Variants in ATXN1 observed in about 807,000 individuals in gnomAD.
The protein encoded by ATXN1 is ataxin 1.
A neutral mutation model predicts 56.4 loss-of-function variants in ATXN1; 8 were observed. The ratio of observed to expected loss-of-function variants is 0.14; its 90% CI spans 0.08 to 0.26. The LOEUF (loss-of-function observed/expected upper bound fraction) is 0.26, where lower values mean the gene tolerates loss of function less well. Ranked by LOEUF, ATXN1 falls within the 10% of genes least tolerant of loss-of-function variation. The probability of loss-of-function intolerance (pLI) is 1.00; values close to 1 mark genes in which losing one functional copy is unlikely to be tolerated. For synonymous variants in ATXN1, 514 were observed against 494.6 expected (o/e 1.04, Z -0.52); for missense variants, 987 against 1,106.5 (o/e 0.89, Z 1.53).
intron 6 of ATXN1, among the ~76,000 whole-genome samples, chr6:16,330,165 C>T (rs578111754): frequency 6.6e-6 from 1 of 152,136 alleles, no homozygotes; most frequent in Non-Finnish European, 1.5e-5. Context: ...ATCCTCCTTC[C>T]TTGGCCTCCC....
At chr6:16,399,073 A>G (rs545085895) in intron 6 of ATXN1, among the ~76,000 whole-genome samples, 6 of 152,362 alleles carry the variant, frequency 3.9e-5, no homozygotes, top group Admixed American at 1.3e-4. Context: ...ATTAAGCAGA[A>G]CTAACCATCA....
intron 5 of ATXN1, among the ~76,000 whole-genome samples, chr6:16,509,158 A>C (rs751160608): frequency 6.6e-6 from 1 of 152,160 alleles, no homozygotes; most frequent in Non-Finnish European, 1.5e-5. Flanking sequence ...TGCAAGACAC[A>C]AACAGCTGAG....
At chr6:16,613,679 A>G (rs1763155047) in intron 3 of ATXN1, among the ~76,000 whole-genome samples, 1 of 151,904 alleles carries the variant, frequency 6.6e-6, no homozygotes, top group Admixed American at 6.6e-5. Context: ...AAAAAAGAAA[A>G]AGAGCCAGGC....
chr6:16,586,346 A>C (rs761934940), intron 3 of ATXN1, among the ~76,000 whole-genome samples: 91 of 152,252 alleles, frequency 6.0e-4, no homozygotes, highest in Non-Finnish European at 1.2e-3. Context: ...CCACAAAATT[A>C]TGCAAATTCA....
intron 6 of ATXN1, among the ~76,000 whole-genome samples, chr6:16,452,628 G>A (rs142525842): frequency 1.3e-5 from 2 of 152,184 alleles, no homozygotes; most frequent in African/African-American, 2.4e-5. Flanking sequence ...ACTCTCACTG[G>A]TGTGAGATTT....
intron 2 of ATXN1, among the ~76,000 whole-genome samples, chr6:16,719,019 G>A (rs532838743): frequency 6.4e-4 from 98 of 152,182 alleles, no homozygotes; most frequent in African/African-American, 1.8e-3. Flanking sequence ...TTTATTTCCC[G>A]GGGACTCTGT....
At chr6:16,343,507 G>T (rs1761305033) in intron 6 of ATXN1, among the ~76,000 whole-genome samples, 1 of 152,068 alleles carries the variant, frequency 6.6e-6, no homozygotes, top group South Asian at 2.1e-4. Context: ...GGACGTCAGG[G>T]CATCCTTTAA....
chr6:16,632,896 C>G (rs1763531443), intron 3 of ATXN1, among the ~76,000 whole-genome samples: 1 of 151,400 alleles, frequency 6.6e-6, no homozygotes. Context: ...ACTTGGGAGG[C>G]TGAGACAGGA....
intron 6 of ATXN1, among the ~76,000 whole-genome samples, chr6:16,336,012 A>G (rs994920528): frequency 2.0e-5 from 3 of 152,238 alleles, no homozygotes; most frequent in African/African-American, 7.2e-5. Context: ...ATGTTTTGGT[A>G]ATTTATTATG....
chr6:16,348,589 G>A (rs991994258), intron 6 of ATXN1, among the ~76,000 whole-genome samples: 2 of 152,058 alleles, frequency 1.3e-5, no homozygotes, highest in African/African-American at 2.4e-5. Flanking sequence ...GTAATTCCAG[G>A]GAGGCTGAGG....
At chr6:16,509,739 G>T (rs143476055) in intron 5 of ATXN1, among the ~76,000 whole-genome samples, 2 of 152,012 alleles carry the variant, frequency 1.3e-5, no homozygotes, top group Non-Finnish European at 2.9e-5. Context: ...CTTCTTTCTC[G>T]TTTCAAAATC....
intron 2 of ATXN1, among the ~76,000 whole-genome samples, chr6:16,729,897 G>A (rs150236839): frequency 3.3e-5 from 5 of 152,290 alleles, no homozygotes; most frequent in African/African-American, 9.6e-5. Context: ...CACACAGTAG[G>A]TGCTCAATAA....
intron 3 of ATXN1, among the ~76,000 whole-genome samples, chr6:16,655,171 C>A (rs1284218118): frequency 6.6e-6 from 1 of 152,138 alleles, no homozygotes; most frequent in African/African-American, 2.4e-5. Context: ...AAAGTCAGAT[C>A]CCCTAAAGAA....
At chr6:16,677,208 T>G (rs911855926) in intron 2 of ATXN1, among the ~76,000 whole-genome samples, 2 of 152,096 alleles carry the variant, frequency 1.3e-5, no homozygotes, top group Non-Finnish European at 2.9e-5. Flanking sequence ...CGCTGAGAGA[T>G]GACGAGCAAA....
chr6:16,326,606 T>C lies in ATXN1; in HGVS notation c.1705A>G (p.Thr569Ala). ...CCTTTCATGAAGTAGGGAGGCAGCG[T>C]AGGGGGAGCCGCCGCCGGGGAGGCC... ...SVASPAAAPPTLPPYFMKGSI... is the reference protein window; with the variant it reads ...SVASPAAAPPALPPYFMKGSI... The change falls in exon 7 of 8, where the codon ACG (threonine) becomes GCG (alanine). Residue 569 changes from threonine (T) to alanine (A), a missense_variant. Physicochemically the swap from Thr to Ala is moderately conservative, Grantham distance 58. Around this residue, in one of 3 missense-constraint regions of ATXN1, gnomAD observed 723 missense variants for 791.7 expected, o/e 0.91. Coordinates refer to ENST00000436367, the MANE Select transcript of ATXN1 (RefSeq NM_001128164.2). This position sits in a 1 kb window ranked among gnomAD's most constrained non-coding sequence, Gnocchi z 6.6. 2 of 1,614,042 alleles carry C rather than the reference T, an allele frequency of 1.2e-6. No homozygotes were observed. Among genetic ancestry groups the C allele is most frequent in the Non-Finnish European group, 1.7e-6 (2 of 1,180,016 alleles).
chr6:16,531,862 T>C (rs57588833), intron 4 of ATXN1, among the ~76,000 whole-genome samples: 1,856 of 152,322 alleles, frequency 0.012, 42 homozygotes, highest in African/African-American at 0.042. Flanking sequence ...AGCTTTATTG[T>C]TTTCAAAGTG....
At chr6:16,677,323 G>A (rs1235568817) in intron 2 of ATXN1, among the ~76,000 whole-genome samples, 16 of 152,132 alleles carry the variant, frequency 1.1e-4, no homozygotes, top group Admixed American at 7.2e-4. Flanking sequence ...CAGAATCAGT[G>A]CTATTTGAAA....
At chr6:16,505,819 T>C (rs1385519709) in intron 5 of ATXN1, among the ~76,000 whole-genome samples, 1 of 152,192 alleles carries the variant, frequency 6.6e-6, no homozygotes, top group East Asian at 1.9e-4. Context: ...TATGCGTCTA[T>C]CTTTTAAACA....
intron 6 of ATXN1, among the ~76,000 whole-genome samples, chr6:16,430,533 A>G (rs921318813): frequency 5.9e-5 from 9 of 152,168 alleles, no homozygotes; most frequent in Non-Finnish European, 8.8e-5. Flanking sequence ...GTCTTGTTGT[A>G]TGTTGTTACT....
Sources: gnomAD v4.1 joint callset for allele counts (sites outside exome capture counted in the v4.1 genomes callset) on GRCh38, gnomAD v4.1.1 for gene constraint, gnomAD v4.1.1 regional missense constraint, Gnocchi (gnomAD v3.1) non-coding constraint, MANE v1.5 for transcripts, NCBI Gene and HGNC (gene_info 2026-07-23, HGNC 2026-07-21) for gene names.